The following ANKS1B variants were observed in gnomAD, a reference collection of about 807,000 sequenced individuals.
ANKS1B encodes ankyrin repeat and sterile alpha motif domain containing 1B.
ANKS1B carries 36 observed loss-of-function variants against 148.3 expected under a neutral mutation model. The observed-to-expected ratio is 0.24, with a 90% CI of 0.19 to 0.32. ANKS1B has a LOEUF of 0.32. Ranked by LOEUF, ANKS1B falls within the 10% of genes least tolerant of loss-of-function variation. The pLI is 1.00. For synonymous variants in ANKS1B, 542 were observed against 560.8 expected (o/e 0.97, Z 0.47); for missense variants, 1,157 against 1,542.6 (o/e 0.75, Z 4.19).
intron 15 of ANKS1B, among the ~76,000 whole-genome samples, chr12:99,101,569 T>C (rs2057943268): frequency 6.6e-6 from 1 of 152,096 alleles, no homozygotes; most frequent in Non-Finnish European, 1.5e-5. Context: ...CAGTGTTTTG[T>C]TCTTGTTTTT....
chr12:99,694,437 TAAAA>T (rs561215216), intron 8 of ANKS1B, among the ~76,000 whole-genome samples: 2 of 132,916 alleles, frequency 1.5e-5, no homozygotes, highest in Non-Finnish European at 1.6e-5. Flanking sequence ...AGACTTCATC[TAAAA>T]AAAAAAAAAA....
intron 20 of ANKS1B, among the ~76,000 whole-genome samples, chr12:98,807,086 T>C (rs1216063315): frequency 2.6e-5 from 4 of 152,122 alleles, no homozygotes; most frequent in African/African-American, 9.7e-5. Flanking sequence ...TGGGAGAAAT[T>C]CAAAAGGGTG....
At chr12:98,858,879 T>C (rs959928986) in intron 17 of ANKS1B, among the ~76,000 whole-genome samples, 43 of 152,216 alleles carry the variant, frequency 2.8e-4, no homozygotes, top group African/African-American at 9.9e-4. Flanking sequence ...AAGGCAAATC[T>C]TGTGAGTCAT....
chr12:99,900,342 C>G (rs901256373), intron 1 of ANKS1B, among the ~76,000 whole-genome samples: 1 of 151,338 alleles, frequency 6.6e-6, no homozygotes, highest in African/African-American at 2.4e-5. Context: ...CCTGTCTCTA[C>G]TAAAAATACA....
At chr12:99,790,621 G>A (rs895283344) in intron 4 of ANKS1B, among the ~76,000 whole-genome samples, 3 of 152,080 alleles carry the variant, frequency 2.0e-5, no homozygotes, top group African/African-American at 7.2e-5. Context: ...AGGTGGCAAA[G>A]TTAAACTGTA....
chr12:98,994,302 T>C (rs935708721), intron 17 of ANKS1B, among the ~76,000 whole-genome samples: 5 of 152,140 alleles, frequency 3.3e-5, no homozygotes, highest in Non-Finnish European at 7.4e-5. Context: ...TTGCTAGGGC[T>C]GCCATAACAA....
chr12:98,897,839 G>A (rs2099766937), intron 17 of ANKS1B, among the ~76,000 whole-genome samples: 1 of 152,104 alleles, frequency 6.6e-6, no homozygotes, highest in Admixed American at 6.5e-5. Context: ...GAATGCTTGG[G>A]TAAAGAAAAT....
intron 9 of ANKS1B, among the ~76,000 whole-genome samples, chr12:99,512,670 G>A (rs2096778259): frequency 1.3e-5 from 2 of 152,240 alleles, no homozygotes; most frequent in African/African-American, 4.8e-5. Flanking sequence ...ACCAATGATA[G>A]ACTGGATAAA....
Position 99,203,416 on chromosome 12 carries a change from C to T in ANKS1B, c.2419+40926G>A, listed in dbSNP as rs540008234. On this transcript the variant is annotated intron_variant, in intron 14 of 26. Transcript: ENST00000683438. ...GCTTTATCTCCTGCCAGAAGCCTTT[C>T]CTGATGCTTTCAGGTTCTGTTAAGA... Among the ~76,000 whole-genome samples, 18 of 152,154 alleles carry T rather than the reference C, an allele frequency of 1.2e-4. No homozygotes were observed. In the South Asian group the frequency reaches 2.9e-3, roughly 25 times the overall value.
chr12:99,567,083 A>G (rs1227987433), intron 9 of ANKS1B, among the ~76,000 whole-genome samples: 2 of 152,168 alleles, frequency 1.3e-5, no homozygotes, highest in African/African-American at 4.8e-5. Context: ...CACTGAAGGT[A>G]TTGGCTGGAC....
chr12:99,940,052 A>C (rs2094880998), intron 1 of ANKS1B, among the ~76,000 whole-genome samples: 1 of 152,228 alleles, frequency 6.6e-6, no homozygotes, highest in African/African-American at 2.4e-5. Context: ...TTGTGTGACA[A>C]AATCATTCTT....
At chr12:99,429,011 T>C (rs1040871680) in intron 11 of ANKS1B, among the ~76,000 whole-genome samples, 1 of 152,058 alleles carries the variant, frequency 6.6e-6, no homozygotes, top group African/African-American at 2.4e-5. Flanking sequence ...TATAACTAAC[T>C]CAATAAAATA....
chr12:98,849,698 A>C (rs2099511251), intron 17 of ANKS1B, among the ~76,000 whole-genome samples: 1 of 152,202 alleles, frequency 6.6e-6, no homozygotes, highest in Non-Finnish European at 1.5e-5. Context: ...AATCAGGTAC[A>C]CTGCTATTTG....
intron 11 of ANKS1B, among the ~76,000 whole-genome samples, chr12:99,407,786 T>C (rs1007811817): frequency 3.4e-5 from 5 of 145,134 alleles, no homozygotes; most frequent in Admixed American, 1.4e-4. Context: ...AGGAATAAAC[T>C]TAACCAAAGA....
At chr12:99,756,021 T>G (rs971979350) in intron 8 of ANKS1B, among the ~76,000 whole-genome samples, 1 of 152,070 alleles carries the variant, frequency 6.6e-6, no homozygotes, top group Non-Finnish European at 1.5e-5. Context: ...GTGTTCCCAC[T>G]GAAAACTGGA....
intron 1 of ANKS1B, among the ~76,000 whole-genome samples, chr12:99,927,987 T>C (rs370421943): frequency 6.6e-6 from 1 of 152,252 alleles, no homozygotes; most frequent in East Asian, 1.9e-4. Flanking sequence ...CTTGGCACTT[T>C]TAAGTTTTAA....
intron 9 of ANKS1B, among the ~76,000 whole-genome samples, chr12:99,641,735 A>C (rs1248649990): frequency 6.6e-6 from 1 of 152,210 alleles, no homozygotes; most frequent in Non-Finnish European, 1.5e-5. Context: ...AATTGAATAT[A>C]CTCTAGATAA....
At chr12:99,384,883 T>C (rs555379408) in intron 12 of ANKS1B, among the ~76,000 whole-genome samples, 1 of 152,330 alleles carries the variant, frequency 6.6e-6, no homozygotes, top group Non-Finnish European at 1.5e-5. Context: ...TATTATATTA[T>C]TTCCAGTATC....
intron 14 of ANKS1B, among the ~76,000 whole-genome samples, chr12:99,214,464 A>C (rs1280915895): frequency 6.6e-6 from 1 of 152,098 alleles, no homozygotes; most frequent in Non-Finnish European, 1.5e-5. Context: ...GTAGTTAATA[A>C]ATCTCACGAG....
Sources: gnomAD v4.1 joint callset for allele counts (sites outside exome capture counted in the v4.1 genomes callset) on GRCh38, gnomAD v4.1.1 for gene constraint, MANE v1.5 for transcripts, NCBI Gene and HGNC (gene_info 2026-07-23, HGNC 2026-07-21) for gene names.